OCA2: variants seen among roughly 807,000 people sequenced by gnomAD.
OCA2 encodes P protein.
Under a neutral mutation model 100.2 loss-of-function variants are expected in OCA2, and 77 were observed. That is an observed-to-expected ratio of 0.77 (90% CI 0.64 to 0.93). The LOEUF (loss-of-function observed/expected upper bound fraction) is 0.93. Among genes scored for constraint, OCA2 ranks in the 40% least tolerant of loss-of-function variants. The pLI is 0.00. For synonymous variants in OCA2, 432 were observed against 439.2 expected (o/e 0.98, Z 0.21); for missense variants, 1,062 against 1,089.1 (o/e 0.98, Z 0.35).
intron 23 of OCA2, among the ~76,000 whole-genome samples, chr15:27,822,951 T>A (rs560252548): frequency 3.3e-5 from 5 of 152,252 alleles, no homozygotes; most frequent in Non-Finnish European, 7.3e-5. Context: ...TTATCAAATG[T>A]TGTCCTATCG....
chr15:28,071,502 T>C (rs1237472864), intron 2 of OCA2, among the ~76,000 whole-genome samples: 1 of 152,176 alleles, frequency 6.6e-6, no homozygotes, highest in Non-Finnish European at 1.5e-5. Flanking sequence ...AGGCATCACG[T>C]TACCCAACTT....
chr15:27,995,267 C>G (rs1251648550), intron 9 of OCA2, among the ~76,000 whole-genome samples: 1 of 152,234 alleles, frequency 6.6e-6, no homozygotes, highest in African/African-American at 2.4e-5. Flanking sequence ...GTGGACCTAA[C>G]AGACATAGAC....
chr15:27,936,416 G>C (rs2039454164), intron 18 of OCA2, among the ~76,000 whole-genome samples: 1 of 152,218 alleles, frequency 6.6e-6, no homozygotes, highest in African/African-American at 2.4e-5. Flanking sequence ...TTATCATGTA[G>C]ACTGCACAGG....
intron 14 of OCA2, among the ~76,000 whole-genome samples, chr15:27,968,986 CAAAAA>C (rs61334149): frequency 2.3e-3 from 223 of 98,144 alleles, no homozygotes; most frequent in Non-Finnish European, 4.6e-3. Context: ...AACTCAGAGG[CAAAAA>C]AAAAAAAAAA....
chr15:28,046,241 T>C (rs2043343781), intron 2 of OCA2, among the ~76,000 whole-genome samples: 1 of 152,106 alleles, frequency 6.6e-6, no homozygotes, highest in Non-Finnish European at 1.5e-5. Flanking sequence ...GCTCACTAAG[T>C]CAGAATAATT....
downstream of OCA2, among the ~76,000 whole-genome samples, chr15:27,751,170 T>C (rs2030052403): frequency 6.6e-6 from 1 of 152,200 alleles, no homozygotes; most frequent in Non-Finnish European, 1.5e-5. Flanking sequence ...CATCCTCTGG[T>C]CCTTAAGACA....
At position 27,755,038 on chromosome 15, in the gene OCA2, T is replaced by C. The variant is rs540384523; in HGVS notation, c.*350A>G. The C allele has an allele frequency of 3.1e-5, 9 of 292,164 alleles. No homozygotes were observed. The highest frequency in any genetic ancestry group is 4.7e-5 in the Non-Finnish European group (7 of 148,720). 18.1% of individuals were successfully genotyped at this position (292,164 alleles called of 1,614,324 possible). A position where few individuals can be genotyped will look rare whatever the true frequency, so the allele number is the denominator to read the frequency against. The stretch of plus-strand genomic sequence containing the variant: ...CAAACTGTGTTTAGCCTCAGGAGAA[T>C]TGACAGTTAAACAGTACAGTCAATT... On this transcript the variant is annotated 3_prime_UTR_variant, in exon 24 of 24. Coordinates refer to ENST00000354638, the MANE Select transcript of OCA2 (RefSeq NM_000275.3).
chr15:27,887,857 T>C (rs1030821250), intron 19 of OCA2, among the ~76,000 whole-genome samples: 4 of 150,914 alleles, frequency 2.7e-5, no homozygotes, highest in Admixed American at 1.3e-4. Flanking sequence ...TCAAGTAAGA[T>C]TAATAAAAGC....
intron 15 of OCA2, among the ~76,000 whole-genome samples, chr15:27,959,092 CAG>C (rs2040326667): frequency 6.6e-6 from 1 of 152,190 alleles, no homozygotes; most frequent in African/African-American, 2.4e-5. Flanking sequence ...TGTCATGACT[CAG>C]AGAGAATGCG....
the OCA2 span, among the ~76,000 whole-genome samples, chr15:27,722,395 C>T: frequency 6.6e-6 from 1 of 152,226 alleles, no homozygotes; most frequent in Non-Finnish European, 1.5e-5. Flanking sequence ...ATCGCCTTTT[C>T]CTTCTGCACA....
At chr15:27,743,996 A>G in the OCA2 span, among the ~76,000 whole-genome samples, 7 of 151,948 alleles carry the variant, frequency 4.6e-5, no homozygotes, top group African/African-American at 1.7e-4. Context: ...GAAACCTCTC[A>G]CTGATTTTCT....
At chr15:27,832,161 G>A (rs1160239193) in intron 23 of OCA2, among the ~76,000 whole-genome samples, 3 of 152,132 alleles carry the variant, frequency 2.0e-5, no homozygotes, top group Admixed American at 6.5e-5. Context: ...TGCACCTGAT[G>A]TGCCTTTGAG....
intron 23 of OCA2, among the ~76,000 whole-genome samples, chr15:27,788,695 A>G (rs1273383274): frequency 6.6e-6 from 1 of 152,068 alleles, no homozygotes; most frequent in African/African-American, 2.4e-5. Context: ...TGGAGTCTTT[A>G]GTATATTTAC....
chr15:27,991,693 A>G (rs2041561267), intron 9 of OCA2, among the ~76,000 whole-genome samples: 1 of 152,174 alleles, frequency 6.6e-6, no homozygotes, highest in Admixed American at 6.5e-5. Context: ...CCAAGGGGTG[A>G]AATTAATGGT....
At chr15:28,009,620 G>A (rs1411654153) in intron 9 of OCA2, among the ~76,000 whole-genome samples, 2 of 151,500 alleles carry the variant, frequency 1.3e-5, no homozygotes, top group Non-Finnish European at 2.9e-5. Context: ...CCCACAAGGC[G>A]CAGGTTGCAG....
At position 27,947,518 on chromosome 15, in the gene OCA2, C is replaced by T. The variant is rs151319967; in HGVS notation, c.1951+4266G>A. Among the ~76,000 whole-genome samples the T allele has an allele frequency of 1.5e-3, 227 of 152,312 alleles. 1 individual carries two copies. The highest frequency in any genetic ancestry group is 5.0e-3 in the African/African-American group (208 of 41,576). On this transcript the variant is annotated intron_variant, in intron 18 of 23. Coordinates refer to ENST00000354638, the MANE Select transcript of OCA2 (RefSeq NM_000275.3). ...TCACCACAGCCAGCTCCGTGTGGCCCGACAACCCTCACACAGATGCACCTG... is the reference window on the plus strand; with the variant it reads ...TCACCACAGCCAGCTCCGTGTGGCCTGACAACCCTCACACAGATGCACCTG...
At chr15:28,018,372 C>T (rs1311539531) in intron 7 of OCA2, 25 bp downstream of exon 7, 1 of 1,610,098 alleles carries the variant, frequency 6.2e-7, no homozygotes, top group Non-Finnish European at 8.5e-7. Flanking sequence ...TTCACAATTC[C>T]TTTCAAATAA....
the OCA2 span, among the ~76,000 whole-genome samples, chr15:27,737,721 A>G: frequency 6.6e-6 from 1 of 152,242 alleles, no homozygotes; most frequent in South Asian, 2.1e-4. Context: ...AGCACTAATC[A>G]TAAGAAGAAA....
chr15:28,008,000 A>G (rs1036137742), intron 9 of OCA2, among the ~76,000 whole-genome samples: 1 of 152,220 alleles, frequency 6.6e-6, no homozygotes, highest in Admixed American at 6.5e-5. Flanking sequence ...AGAGGACCTT[A>G]GCACCTGTCT....
Sources: gnomAD v4.1 joint callset for allele counts (sites outside exome capture counted in the v4.1 genomes callset) on GRCh38, gnomAD v4.1.1 for gene constraint, MANE v1.5 for transcripts, NCBI Gene and HGNC (gene_info 2026-07-23, HGNC 2026-07-21) for gene names.